Variants in BRIP1 observed in about 807,000 individuals in gnomAD.
BRIP1 encodes the protein BRCA1 interacting DNA helicase 1, also known as Fanconi anemia group J protein.
Under a neutral mutation model 119.7 loss-of-function variants are expected in BRIP1, and 88 were observed. The ratio of observed to expected loss-of-function variants is 0.74; its 90% CI spans 0.62 to 0.88. The LOEUF (loss-of-function observed/expected upper bound fraction) is 0.88, where lower values mean the gene tolerates loss of function less well. Among genes scored for constraint, BRIP1 ranks in the 40% least tolerant of loss-of-function variants. BRIP1 has a pLI of 0.00. For missense variants in BRIP1, 1,259 were observed against 1,455.4 expected (o/e 0.87, Z 2.20); for synonymous variants, 443 against 496.5 (o/e 0.89, Z 1.43).
rs2061438698 is a variant in BRIP1, at chr17:61,690,973, C to T, written c.2575+2457G>A. Among the ~76,000 whole-genome samples, 1 of 151,730 alleles carries T rather than the reference C, an allele frequency of 6.6e-6. No individual in the cohort carries two copies. Among genetic ancestry groups the T allele is most frequent in the Admixed American group, 6.6e-5 (1 of 15,226 alleles). On this transcript the variant is annotated intron_variant, in intron 18 of 19. Transcript: ENST00000259008. This position sits in a 1 kb window ranked among gnomAD's most constrained non-coding sequence, Gnocchi z 5.6. ...GCTGGAAACCATCATTCTCAGCACACTACCGCAAGGACAGAAAACCAAACA... is the reference window on the plus strand; with the variant it reads ...GCTGGAAACCATCATTCTCAGCACATTACCGCAAGGACAGAAAACCAAACA...
Position 61,744,738 on chromosome 17 carries a change from A to C in BRIP1, c.2098-147T>G. 9.3e-6 allele frequency: 7 copies of C among 756,112 alleles called. No individual in the cohort carries two copies. Among genetic ancestry groups the C allele is most frequent in the East Asian group, 2.6e-5 (1 of 37,980 alleles). The allele number at this position is 756,112 out of a possible 1,614,324, so 46.8% of individuals were successfully genotyped here. A position where few individuals can be genotyped will look rare whatever the true frequency, so the allele number is the denominator to read the frequency against. On this transcript the variant is annotated intron_variant, in intron 14 of 19. Transcript: ENST00000259008. The surrounding 1 kb of genome is among the most constrained non-coding windows in gnomAD (Gnocchi z 5.0). Reference sequence around the variant, plus strand: ...TAAAATGAGGAAAACAATATATCTCATAGAGCTGTTATGGGGTTAAATTTA... The same window carrying C: ...TAAAATGAGGAAAACAATATATCTCCTAGAGCTGTTATGGGGTTAAATTTA...
chr17:61,818,194 G>GT (rs1567845499), intron 6 of BRIP1, among the ~76,000 whole-genome samples: 1 of 151,020 alleles, frequency 6.6e-6, no homozygotes, highest in African/African-American at 2.4e-5. Flanking sequence ...CTCTAAAAAG[G>GT]GGGGAGGGGG....
At chr17:61,750,017 C>T (rs2077111073) in intron 14 of BRIP1, among the ~76,000 whole-genome samples, 1 of 152,150 alleles carries the variant, frequency 6.6e-6, no homozygotes. Context: ...GACTTTTATT[C>T]CTTTTTCTTG....
At chr17:61,830,300 T>TA (rs35560519) in intron 6 of BRIP1, among the ~76,000 whole-genome samples, 117,003 of 137,290 alleles carry the variant, frequency 0.85, 50,295 homozygotes, top group African/African-American at 0.92. Flanking sequence ...CAATGGTAAT[T>TA]AAAAAAAAAA....
At position 61,680,480 on chromosome 17, in the gene BRIP1, C is replaced by CTTTTT. The variant is rs768910110; in HGVS notation, c.*2811_*2815dup. Among the ~76,000 whole-genome samples the CTTTTT allele has an allele frequency of 0.017, 2,087 of 123,966 alleles. 124 individuals carry two copies. Among genetic ancestry groups the CTTTTT allele is most frequent in the East Asian group, 0.035 (143 of 4,134 alleles). 81.3% of individuals were successfully genotyped at this position (123,966 alleles called of 152,430 possible). The stretch of plus-strand genomic sequence containing the variant: ...AGTTTACCAATTCTAAAGGTAATTT[C>CTTTTT]TTTTTTTTTTTTTTTTTGAGACGGA... On this transcript the variant is annotated 3_prime_UTR_variant, in exon 20 of 20. Coordinates refer to ENST00000259008, the MANE Select transcript of BRIP1 (RefSeq NM_032043.3).
intron 16 of BRIP1, among the ~76,000 whole-genome samples, chr17:61,733,163 G>A (rs896066993): frequency 1.3e-4 from 20 of 151,946 alleles, no homozygotes; most frequent in African/African-American, 3.6e-4. Context: ...TCATATTGCC[G>A]TCAAAGCAAA....
rs2078496750 is a variant in BRIP1 at position 61,831,806 on chromosome 17, G to T, written c.627+15295C>A. On this transcript the variant is annotated intron_variant, in intron 6 of 19. Transcript: ENST00000259008. This position sits in a 1 kb window ranked among gnomAD's most constrained non-coding sequence, Gnocchi z 4.1. ...TGTTTTTAACTTTCAGAGGAATCAGGAACAAGGTTTTTCAGTTAAACATAC... is the reference window on the plus strand; with the variant it reads ...TGTTTTTAACTTTCAGAGGAATCAGTAACAAGGTTTTTCAGTTAAACATAC... Among the ~76,000 whole-genome samples the T allele has an allele frequency of 6.6e-6, 1 of 152,114 alleles. No homozygotes were observed. Among genetic ancestry groups the T allele is most frequent in the Admixed American group, 6.5e-5 (1 of 15,270 alleles).
At position 61,738,903 on chromosome 17, in the gene BRIP1, T is replaced by TG. The variant is rs2076952709; in HGVS notation, c.2379+4109_2379+4110insC. 6.6e-6 allele frequency among the ~76,000 whole-genome samples: 1 copy of TG among 152,214 alleles called. No individual in the cohort carries two copies. Among genetic ancestry groups the TG allele is most frequent in the Non-Finnish European group, 1.5e-5 (1 of 68,040 alleles). On this transcript the variant is annotated intron_variant, in intron 16 of 19. Transcript: ENST00000259008. This position sits in a 1 kb window ranked among gnomAD's most constrained non-coding sequence, Gnocchi z 4.2. ...TTCTCCTCATATGTAATCAGAATTA[T>TG]AATCTTGATGATCCTTTCAGGCCTT... is the stretch of plus-strand genomic sequence containing the variant.
rs1399366181 is a variant in BRIP1 at position 61,699,708 on chromosome 17, G to C, written c.2493-6196C>G. 1.3e-5 allele frequency among the ~76,000 whole-genome samples: 2 copies of C among 152,310 alleles called. No individual in the cohort carries two copies. The highest frequency in any genetic ancestry group is 2.1e-4 in the South Asian group (1 of 4,826). ...TCCTGGGCTGATGAATGAAAACTTA[G>C]ATTCAGGAGGGTACCTGTGATTGAC... On this transcript the variant is annotated intron_variant, in intron 17 of 19. Transcript: ENST00000259008. The surrounding 1 kb of genome is among the most constrained non-coding windows in gnomAD (Gnocchi z 4.8).
rs876658934 is a variant in BRIP1 at position 61,743,020 on chromosome 17, T to A, written c.2372A>T (p.Asp791Val). 6 of 1,613,908 alleles carry A rather than the reference T, an allele frequency of 3.7e-6. No homozygotes were observed. Among genetic ancestry groups the A allele is most frequent in the Non-Finnish European group, 5.1e-6 (6 of 1,179,936 alleles). ...AAGGTTTTGATGGCCTACCTGTAGATCTTTCACATTTGGAAAAGGAATTCC... is the reference window on the plus strand; with the variant it reads ...AAGGTTTTGATGGCCTACCTGTAGAACTTTCACATTTGGAAAAGGAATTCC... ...TIGIPFPNVK[D>V]LQVELKRQYN... is the part of the protein sequence containing the mutation. The change falls in exon 16 of 20, where the codon GAT (aspartate) becomes GTT (valine). Residue 791 changes from aspartate (D) to valine (V), a missense_variant. Physicochemically the swap from Asp to Val is radical, Grantham distance 152. Around this residue, in one of 3 missense-constraint regions of BRIP1, gnomAD observed 753 missense variants for 891.8 expected, o/e 0.84. Coordinates refer to ENST00000259008, the MANE Select transcript of BRIP1 (RefSeq NM_032043.3). The surrounding 1 kb of genome is among the most constrained non-coding windows in gnomAD (Gnocchi z 4.3).
rs1229817331 is a variant in BRIP1 at position 61,710,547 on chromosome 17, T to C, written c.2492+5404A>G. On this transcript the variant is annotated intron_variant, in intron 17 of 19. Coordinates refer to ENST00000259008, the MANE Select transcript of BRIP1 (RefSeq NM_032043.3). This position sits in a 1 kb window ranked among gnomAD's most constrained non-coding sequence, Gnocchi z 5.4. Reference sequence around the variant, plus strand: ...TTCAATGAGGTTTTGATTGCTAAATTTGCCAAACGAATTGTATGATAACTT... The same window carrying C: ...TTCAATGAGGTTTTGATTGCTAAATCTGCCAAACGAATTGTATGATAACTT... 6.6e-6 allele frequency among the ~76,000 whole-genome samples: 1 copy of C among 152,218 alleles called. No individual in the cohort carries two copies. Among genetic ancestry groups the C allele is most frequent in the Non-Finnish European group, 1.5e-5 (1 of 68,038 alleles).
Position 61,804,954 on chromosome 17 carries a change from CTGTGTGTGTGTGTGTGTG to C in BRIP1, c.918+3495_919-3481del, listed in dbSNP as rs59414906. On this transcript the variant is annotated intron_variant, in intron 7 of 19. Coordinates refer to ENST00000259008, the MANE Select transcript of BRIP1 (RefSeq NM_032043.3). This position sits in a 1 kb window ranked among gnomAD's most constrained non-coding sequence, Gnocchi z 4.5. ...GGCAGGATGAAATGTCTCTCTCTTT[CTGTGTGTGTGTGTGTGTG>C]TGTGTGTGTGTGTGTGTGTGTGTGT... Among the ~76,000 whole-genome samples, 50 of 139,220 alleles carry C rather than the reference CTGTGTGTGTGTGTGTGTG, an allele frequency of 3.6e-4. No individual in the cohort carries two copies. Among genetic ancestry groups the C allele is most frequent in the African/African-American group, 8.4e-4 (31 of 37,012 alleles). 91.3% of individuals were successfully genotyped at this position (139,220 alleles called of 152,430 possible).
At chr17:61,829,846 A>C (rs1054089948) in intron 6 of BRIP1, among the ~76,000 whole-genome samples, 5 of 152,176 alleles carry the variant, frequency 3.3e-5, no homozygotes, top group Admixed American at 1.3e-4. Flanking sequence ...AAGTGCTTAG[A>C]GGGAAATGTA....
rs2145477196 is a variant in BRIP1 at position 61,814,685 on chromosome 17, A to C, written c.628-5928T>G. ...GGTGATCTAGTGAAATCAAAGATACATATACCCTTTGACCCAGCATGACAC... is the reference window on the plus strand; with the variant it reads ...GGTGATCTAGTGAAATCAAAGATACCTATACCCTTTGACCCAGCATGACAC... On this transcript the variant is annotated intron_variant, in intron 6 of 19. Transcript: ENST00000259008. The surrounding 1 kb of genome is among the most constrained non-coding windows in gnomAD (Gnocchi z 4.9). 6.6e-6 allele frequency among the ~76,000 whole-genome samples: 1 copy of C among 152,194 alleles called. No homozygotes were observed. The highest frequency in any genetic ancestry group is 6.5e-5 in the Admixed American group (1 of 15,276).
rs1405618349 is a variant in BRIP1 at position 61,690,349 on chromosome 17, A to C, written c.2575+3081T>G. 6.6e-6 allele frequency among the ~76,000 whole-genome samples: 1 copy of C among 152,358 alleles called. No homozygotes were observed. Among genetic ancestry groups the C allele is most frequent in the East Asian group, 1.9e-4 (1 of 5,192 alleles). ...TAATTCTATACAGAAGTTAAAAGAC[A>C]AAGTATGAAAATAACTATAATAGTA... On this transcript the variant is annotated intron_variant, in intron 18 of 19. Transcript: ENST00000259008. This position sits in a 1 kb window ranked among gnomAD's most constrained non-coding sequence, Gnocchi z 5.6.
At chr17:61,766,308 G>C (rs1054491720) in intron 14 of BRIP1, among the ~76,000 whole-genome samples, 2 of 152,074 alleles carry the variant, frequency 1.3e-5, no homozygotes, top group African/African-American at 4.8e-5. Context: ...AATACTTTTT[G>C]TTTAATAACC....
Position 61,776,634 on chromosome 17 carries a change from A to G in BRIP1, c.1936-72T>C. 1 of 1,490,478 alleles carries G rather than the reference A, an allele frequency of 6.7e-7. No homozygotes were observed. Among genetic ancestry groups the G allele is most frequent in the Non-Finnish European group, 9.3e-7 (1 of 1,071,236 alleles). The allele number at this position is 1,490,478 out of a possible 1,614,324, so 92.3% of individuals were successfully genotyped here. A position where few individuals can be genotyped will look rare whatever the true frequency, so the allele number is the denominator to read the frequency against. ...TGGAAATTAGTATTTATTTGGAAGT[A>G]TGTACATAAAAGATCAAGCAACAAG... is the stretch of plus-strand genomic sequence containing the variant. On this transcript the variant is annotated intron_variant, in intron 13 of 19. Transcript: ENST00000259008. This position sits in a 1 kb window ranked among gnomAD's most constrained non-coding sequence, Gnocchi z 5.0.
At position 61,722,694 on chromosome 17, in the gene BRIP1, A is replaced by G. The variant is rs1369620737; in HGVS notation, c.2380-6631T>C. ...CTGTTCCGAAGACAACAGTTGCTCT[A>G]GGACGTATTAGTTATAAATGGAATA... On this transcript the variant is annotated intron_variant, in intron 16 of 19. Coordinates refer to ENST00000259008, the MANE Select transcript of BRIP1 (RefSeq NM_032043.3). The surrounding 1 kb of genome is among the most constrained non-coding windows in gnomAD (Gnocchi z 4.6). Among the ~76,000 whole-genome samples the G allele has an allele frequency of 6.6e-6, 1 of 152,342 alleles. No homozygotes were observed. The highest frequency in any genetic ancestry group is 1.9e-4 in the East Asian group (1 of 5,188).
chr17:61,800,986 T>C (rs762982524), intron 8 of BRIP1, among the ~76,000 whole-genome samples: 2 of 152,220 alleles, frequency 1.3e-5, no homozygotes, highest in Admixed American at 1.3e-4. Context: ...ATAATTCTTT[T>C]TGAATATTCA....
Sources: gnomAD v4.1 joint callset for allele counts (sites outside exome capture counted in the v4.1 genomes callset) on GRCh38, gnomAD v4.1.1 for gene constraint, gnomAD v4.1.1 regional missense constraint, Gnocchi (gnomAD v3.1) non-coding constraint, MANE v1.5 for transcripts, NCBI Gene and HGNC (gene_info 2026-07-23, HGNC 2026-07-21) for gene names.